TRPM3: variants seen among roughly 807,000 people sequenced by gnomAD.
TRPM3 encodes the protein transient receptor potential cation channel subfamily M member 3, also known as long transient receptor potential channel 3.
Under a neutral mutation model 181.2 loss-of-function variants are expected in TRPM3, and 77 were observed. The observed-to-expected ratio is 0.42, with a 90% CI of 0.35 to 0.51. TRPM3 has a LOEUF of 0.51. Among genes scored for constraint, TRPM3 ranks in the 20% least tolerant of loss-of-function variants. The pLI is 0.01. For synonymous variants in TRPM3, 745 were observed against 796.4 expected, an observed-to-expected ratio of 0.94 and a Z score of 1.09; for missense variants, 1,759 against 2,196.7, an observed-to-expected ratio of 0.80 and a Z score of 3.98.
chr9:70,771,596 G>A (rs1192505835), intron 7 of TRPM3, among the ~76,000 whole-genome samples: 1 of 152,180 alleles, frequency 6.6e-6, no homozygotes, highest in Non-Finnish European at 1.5e-5. Flanking sequence ...GGGGGTGAAA[G>A]TGGTAAGAAA....
chr9:71,069,050 T>C (rs1470546530), intron 1 of TRPM3, among the ~76,000 whole-genome samples: 2 of 152,210 alleles, frequency 1.3e-5, no homozygotes, highest in Non-Finnish European at 2.9e-5. Context: ...CAATGCCCCT[T>C]AGACTGGTTA....
chr9:71,032,711 T>C (rs946240938), intron 1 of TRPM3, among the ~76,000 whole-genome samples: 1 of 152,182 alleles, frequency 6.6e-6, no homozygotes, highest in African/African-American at 2.4e-5. Context: ...CAATTTCTAG[T>C]GTGTCAGAAT....
At chr9:71,314,146 C>T (rs2088298645) in intron 1 of TRPM3, among the ~76,000 whole-genome samples, 1 of 152,036 alleles carries the variant, frequency 6.6e-6, no homozygotes, top group African/African-American at 2.4e-5. Context: ...TATCTTTTCA[C>T]TGTAATGCCT....
At chr9:70,923,828 C>CCA (rs2096686897) in intron 1 of TRPM3, among the ~76,000 whole-genome samples, 3 of 136,060 alleles carry the variant, frequency 2.2e-5, no homozygotes, top group Admixed American at 7.8e-5. Flanking sequence ...CTCTCTCTCT[C>CCA]TATATATATA....
At chr9:70,766,802 C>G (rs935327011) in intron 7 of TRPM3, among the ~76,000 whole-genome samples, 28 of 152,218 alleles carry the variant, frequency 1.8e-4, no homozygotes, top group African/African-American at 6.8e-4. Flanking sequence ...TTGTTAACAA[C>G]AGCATTATGG....
At chr9:71,170,874 T>G (rs938496164) in intron 1 of TRPM3, among the ~76,000 whole-genome samples, 25 of 152,190 alleles carry the variant, frequency 1.6e-4, no homozygotes, top group African/African-American at 6.0e-4. Flanking sequence ...ATAAGAGAGA[T>G]AACCTTAAAC....
intron 18 of TRPM3, among the ~76,000 whole-genome samples, chr9:70,612,005 G>A (rs1228815606): frequency 6.6e-6 from 1 of 152,200 alleles, no homozygotes; most frequent in Non-Finnish European, 1.5e-5. Context: ...TAACCACTCT[G>A]AGACTTAGTT....
intron 1 of TRPM3, among the ~76,000 whole-genome samples, chr9:71,240,640 T>C (rs1415475927): frequency 6.6e-6 from 1 of 150,676 alleles, no homozygotes; most frequent in East Asian, 1.9e-4. Flanking sequence ...CAAATATATC[T>C]TCTCTTGTTG....
chr9:70,803,339 A>G (rs10780970), intron 6 of TRPM3, among the ~76,000 whole-genome samples: 41,699 of 152,036 alleles, frequency 0.27, 6,665 homozygotes, highest in East Asian at 0.43. Context: ...AGGAAACCAG[A>G]ATATTCCATT....
chr9:71,136,804 C>T (rs1161581802), intron 1 of TRPM3, among the ~76,000 whole-genome samples: 1 of 152,122 alleles, frequency 6.6e-6, no homozygotes, highest in African/African-American at 2.4e-5. Context: ...GTGAGAACAG[C>T]CCTGGAAAAG....
At chr9:71,290,372 A>G (rs1418254909) in intron 1 of TRPM3, among the ~76,000 whole-genome samples, 1 of 152,144 alleles carries the variant, frequency 6.6e-6, no homozygotes, top group Non-Finnish European at 1.5e-5. Flanking sequence ...AAAAAGAATT[A>G]TATTGAATAT....
Position 70,963,544 on chromosome 9 carries a change from G to A in TRPM3, c.178-99033C>T, listed in dbSNP as rs1269319510. Among the ~76,000 whole-genome samples the A allele has an allele frequency of 2.6e-5, 4 of 152,220 alleles. No individual in the cohort carries two copies. The East Asian group carries it at 7.7e-4, about 29-fold the overall frequency. ...CAATTGTCCATGTCTTGGCTTGGGT[G>A]GTGGCAACACAGACTTGTTTGGTGA... On this transcript the variant is annotated intron_variant, in intron 1 of 25. Coordinates refer to ENST00000677713, the MANE Select transcript of TRPM3 (RefSeq NM_001366145.2).
chr9:71,226,009 TA>T, intron 1 of TRPM3, among the ~76,000 whole-genome samples: 3,171 of 34,554 alleles, frequency 0.092, 48 homozygotes, highest in African/African-American at 0.17. Flanking sequence ...CAACAAAAGG[TA>T]AAAAAAAAAA....
At chr9:70,867,986 C>G (rs1055592069) in intron 1 of TRPM3, among the ~76,000 whole-genome samples, 1 of 152,038 alleles carries the variant, frequency 6.6e-6, no homozygotes, top group Non-Finnish European at 1.5e-5. Flanking sequence ...TGTTAGAAAG[C>G]ATGAAATAGT....
chr9:70,610,867 G>C (rs985576571), intron 18 of TRPM3, 118 bp from the exon 19 acceptor site: 1 of 1,231,702 alleles, frequency 8.1e-7, no homozygotes, highest in Non-Finnish European at 1.1e-6. Context: ...CAAGGCCCCA[G>C]AGATTTAGAG....
intron 1 of TRPM3, among the ~76,000 whole-genome samples, chr9:71,213,488 TA>T (rs1462881846): frequency 6.6e-6 from 1 of 152,252 alleles, no homozygotes; most frequent in Non-Finnish European, 1.5e-5. Flanking sequence ...CTTGGAATGA[TA>T]TCATAAATAG....
chr9:71,035,716 C>G lies in TRPM3; in HGVS notation c.177+85462G>C, dbSNP rs147537263. On this transcript the variant is annotated intron_variant, in intron 1 of 25. Transcript: ENST00000677713. ...TGGGTGATAGAGCAGGACTGTCTCA[C>G]AAAAATAAATAAATAAATAAAATAA... 2.0e-5 allele frequency among the ~76,000 whole-genome samples: 3 copies of G among 152,110 alleles called. No individual in the cohort carries two copies. In the East Asian group the frequency reaches 5.8e-4, roughly 29 times the overall value.
intron 6 of TRPM3, among the ~76,000 whole-genome samples, chr9:70,813,350 A>C (rs2092336641): frequency 6.6e-6 from 1 of 152,062 alleles, no homozygotes. Flanking sequence ...TAAAATCATT[A>C]TGTCCTCTGT....
Position 70,759,690 on chromosome 9 carries a change from G to A in TRPM3, c.1272+1911C>T, listed in dbSNP as rs572490544. Among the ~76,000 whole-genome samples the A allele has an allele frequency of 5.5e-4, 84 of 152,230 alleles. 1 individual carries two copies. The South Asian group carries it at 0.017, about 31-fold the overall frequency. ...GAGTTCATGTCTTTTGCAGGGACAT[G>A]GATGAAGCTGGAAACCATCATTCTC... On this transcript the variant is annotated intron_variant, in intron 8 of 25. Coordinates refer to ENST00000677713, the MANE Select transcript of TRPM3 (RefSeq NM_001366145.2).
Sources: allele counts gnomAD v4.1 joint callset (sites outside exome capture counted in the v4.1 genomes callset), GRCh38; gene constraint gnomAD v4.1.1; transcripts MANE v1.5; gene names NCBI Gene and HGNC (gene_info 2026-07-23, HGNC 2026-07-21).